CAMTA1: variants seen among roughly 807,000 people sequenced by gnomAD.
CAMTA1 encodes the protein calmodulin-binding transcription activator 1.
In CAMTA1, 27 loss-of-function variants were observed where a neutral mutation model predicts 170.9. That is an observed-to-expected ratio of 0.16 (90% CI 0.12 to 0.22). The LOEUF (loss-of-function observed/expected upper bound fraction) is 0.22, where lower values mean the gene tolerates loss of function less well. Ranked by LOEUF, CAMTA1 falls within the 10% of genes least tolerant of loss-of-function variation. The pLI is 1.00. For synonymous variants in CAMTA1, 833 were observed against 891.5 expected (o/e 0.93, Z 1.17); for missense variants, 1,619 against 2,217.2 (o/e 0.73, Z 5.42).
Position 7,674,803 on chromosome 1 carries a change from A to G in CAMTA1, c.2780-2796A>G, listed in dbSNP as rs34119207. Reference sequence around the variant, plus strand: ...AAACAAAAAGCAAACAAACAAACAAAAACAACAAATGAGGTGTAGAATTGG... The same window carrying G: ...AAACAAAAAGCAAACAAACAAACAAGAACAACAAATGAGGTGTAGAATTGG... On this transcript the variant is annotated intron_variant, in intron 10 of 22. Coordinates refer to ENST00000303635, the MANE Select transcript of CAMTA1 (RefSeq NM_015215.4). This position sits in a 1 kb window ranked among gnomAD's most constrained non-coding sequence, Gnocchi z 4.1. Among the ~76,000 whole-genome samples the G allele has an allele frequency of 0.058, 8,851 of 152,108 alleles. 384 individuals carry two copies. Among genetic ancestry groups the G allele is most frequent in the Middle Eastern group, 0.13 (39 of 294 alleles).
At chr1:7,553,060 A>C (rs2094824786) in intron 6 of CAMTA1, among the ~76,000 whole-genome samples, 1 of 152,194 alleles carries the variant, frequency 6.6e-6, no homozygotes, top group Non-Finnish European at 1.5e-5. Flanking sequence ...CTGTGCTAAG[A>C]TTGGTAGTGA....
At chr1:6,895,924 GC>G (rs1675568659) in intron 3 of CAMTA1, among the ~76,000 whole-genome samples, 1 of 152,044 alleles carries the variant, frequency 6.6e-6, no homozygotes, top group Non-Finnish European at 1.5e-5. Flanking sequence ...CATCCTATTA[GC>G]TCTTTTAGGG....
intron 6 of CAMTA1, among the ~76,000 whole-genome samples, chr1:7,502,886 C>T (rs555363929): frequency 6.6e-6 from 1 of 152,352 alleles, no homozygotes; most frequent in South Asian, 2.1e-4. Flanking sequence ...GCAGGCAGCC[C>T]TGCCCTGTGG....
At chr1:7,649,784 G>A (rs1041332546) in intron 7 of CAMTA1, among the ~76,000 whole-genome samples, 3 of 152,214 alleles carry the variant, frequency 2.0e-5, no homozygotes, top group African/African-American at 7.2e-5. Context: ...TTTGTGGAGT[G>A]CGCCCCTGTG....
At chr1:7,243,630 G>A (rs1665273064) in intron 4 of CAMTA1, among the ~76,000 whole-genome samples, 2 of 152,302 alleles carry the variant, frequency 1.3e-5, no homozygotes, top group South Asian at 2.1e-4. Context: ...GGTTACTGTA[G>A]CCTTGTAGTA....
intron 3 of CAMTA1, among the ~76,000 whole-genome samples, chr1:7,026,635 CTTTT>C (rs540196853): frequency 2.6e-5 from 3 of 116,534 alleles, no homozygotes; most frequent in Non-Finnish European, 3.4e-5. Context: ...TGGGTGGCTG[CTTTT>C]TTTTTTTTTT....
intron 3 of CAMTA1, among the ~76,000 whole-genome samples, chr1:6,939,274 C>T (rs1685999931): frequency 6.6e-6 from 1 of 152,214 alleles, no homozygotes; most frequent in Non-Finnish European, 1.5e-5. Context: ...AGGCTGATGA[C>T]TCTCCTTTTT....
chr1:6,806,927 A>G lies in CAMTA1; in HGVS notation c.46-13254A>G, dbSNP rs924344775. On this transcript the variant is annotated intron_variant, in intron 1 of 22. Transcript: ENST00000303635. ...GGCCACGTGAACATTGGTTATTGTT[A>G]TACTTTTAAGTCACTTCATTTACTC... 2.8e-5 allele frequency: 12 copies of G among 433,734 alleles called. 1 individual carries two copies. Among genetic ancestry groups the G allele is most frequent in the African/African-American group, 1.8e-4 (9 of 50,176 alleles). 26.9% of individuals were successfully genotyped at this position (433,734 alleles called of 1,614,324 possible). A position where few individuals can be genotyped will look rare whatever the true frequency, so the allele number is the denominator to read the frequency against.
intron 11 of CAMTA1, among the ~76,000 whole-genome samples, chr1:7,678,456 C>T (rs1203302579): frequency 6.6e-6 from 1 of 152,206 alleles, no homozygotes; most frequent in Non-Finnish European, 1.5e-5. Context: ...ACTCCAAGAG[C>T]TGCCAGCCTT....
At chr1:6,938,881 G>GT (rs1685924281) in intron 3 of CAMTA1, among the ~76,000 whole-genome samples, 1 of 152,220 alleles carries the variant, frequency 6.6e-6, no homozygotes, top group Non-Finnish European at 1.5e-5. Context: ...ACCAGAAGAT[G>GT]GAGACGTGTC....
At chr1:6,825,424 T>G (rs550860979) in intron 3 of CAMTA1, among the ~76,000 whole-genome samples, 1 of 152,342 alleles carries the variant, frequency 6.6e-6, no homozygotes, top group South Asian at 2.1e-4. Context: ...ATACACAATG[T>G]GCACGTTGAC....
chr1:6,893,240 G>A (rs1419491929), intron 3 of CAMTA1, among the ~76,000 whole-genome samples: 10 of 152,046 alleles, frequency 6.6e-5, no homozygotes, highest in Non-Finnish European at 4.4e-5. Context: ...CAGCCTGGGC[G>A]ACAGAGCAAG....
intron 11 of CAMTA1, among the ~76,000 whole-genome samples, chr1:7,697,828 C>A (rs2096392835): frequency 6.6e-6 from 1 of 152,210 alleles, no homozygotes; most frequent in Admixed American, 6.5e-5. Flanking sequence ...ATCCTGGTAG[C>A]AAACACTGTT....
At chr1:7,259,814 A>ACC (rs1667911537) in intron 5 of CAMTA1, among the ~76,000 whole-genome samples, 4 of 152,320 alleles carry the variant, frequency 2.6e-5, no homozygotes, top group Admixed American at 2.0e-4. Context: ...GGCGATGACT[A>ACC]AACAGTTCCC....
rs1035584583 is a variant in CAMTA1, at chr1:7,146,226, C to T, written c.302+54855C>T. Among the ~76,000 whole-genome samples the T allele has an allele frequency of 2.0e-5, 3 of 152,052 alleles. No individual in the cohort carries two copies. The highest frequency in any genetic ancestry group is 2.9e-5 in the Non-Finnish European group (2 of 68,018). On this transcript the variant is annotated intron_variant, in intron 4 of 22. Coordinates refer to ENST00000303635, the MANE Select transcript of CAMTA1 (RefSeq NM_015215.4). The surrounding 1 kb of genome is among the most constrained non-coding windows in gnomAD (Gnocchi z 4.3). ...CTGCAATCCTGCTTGCAACACCCCT[C>T]GCAGCAGGAGCTTGGCAGCCCCTGA...
At chr1:7,187,408 T>C (rs768636956) in intron 4 of CAMTA1, among the ~76,000 whole-genome samples, 1 of 152,160 alleles carries the variant, frequency 6.6e-6, no homozygotes, top group Non-Finnish European at 1.5e-5. Context: ...TTTATGAAAT[T>C]ATATTGAAAG....
chr1:7,374,948 C>T (rs750709828), intron 5 of CAMTA1, among the ~76,000 whole-genome samples: 2 of 152,320 alleles, frequency 1.3e-5, no homozygotes, highest in South Asian at 2.1e-4. Context: ...CAATGCTTCT[C>T]GCTTTCAATG....
At chr1:7,037,559 G>C (rs1703786425) in intron 3 of CAMTA1, among the ~76,000 whole-genome samples, 1 of 152,210 alleles carries the variant, frequency 6.6e-6, no homozygotes. Context: ...TTAAAAACAG[G>C]CCGGGCGCGG....
rs1655258999 is a variant in CAMTA1 at position 7,195,040 on chromosome 1, T to G, written c.303-54451T>G. Among the ~76,000 whole-genome samples, 1 of 152,220 alleles carries G rather than the reference T, an allele frequency of 6.6e-6. No individual in the cohort carries two copies. Among genetic ancestry groups the G allele is most frequent in the African/African-American group, 2.4e-5 (1 of 41,454 alleles). On this transcript the variant is annotated intron_variant, in intron 4 of 22. Coordinates refer to ENST00000303635, the MANE Select transcript of CAMTA1 (RefSeq NM_015215.4). This position sits in a 1 kb window ranked among gnomAD's most constrained non-coding sequence, Gnocchi z 4.1. The stretch of plus-strand genomic sequence containing the variant: ...TCAAACTTCTCAGAGTAGGAAGATG[T>G]CTGCTGGCTAGGTAGAAGGTTTCTG...
Sources: allele counts gnomAD v4.1 joint callset (sites outside exome capture counted in the v4.1 genomes callset), GRCh38; gene constraint gnomAD v4.1.1; non-coding constraint Gnocchi (gnomAD v3.1); transcripts MANE v1.5; gene names NCBI Gene and HGNC (gene_info 2026-07-23, HGNC 2026-07-21).